Variants in HAUS6 observed in about 807,000 individuals in gnomAD.
HAUS6 encodes the protein HAUS augmin-like complex subunit 6.
HAUS6 carries 80 observed loss-of-function variants against 106.8 expected under a neutral mutation model. That is an observed-to-expected ratio of 0.75 (90% CI 0.63 to 0.90). The LOEUF is 0.90. HAUS6 is among the 40% of genes least tolerant of loss of function. The pLI is 0.00. For synonymous variants in HAUS6, 356 were observed against 379.1 expected (o/e 0.94, Z 0.71); for missense variants, 1,155 against 1,118.1 (o/e 1.03, Z -0.47).
intron 13 of HAUS6, 30 bp downstream of exon 13, chr9:19,063,484 G>T (rs745806273): frequency 8.9e-7 from 1 of 1,121,040 alleles, no homozygotes; most frequent in Non-Finnish European, 1.3e-6. Context: ...GTATGGTCCA[G>T]AATTAATTGA....
chr9:19,063,294 G>C (rs375807621), intron 13 of HAUS6, 101 bp from the exon 14 acceptor site: 1 of 786,384 alleles, frequency 1.3e-6, no homozygotes, highest in African/African-American at 1.7e-5. Flanking sequence ...CCTATAAAAG[G>C]TTGTTAATAC....
rs143282588 is a variant in HAUS6 at position 19,070,239 on chromosome 9, C to G, written c.1356G>C (p.Ala452=). The change falls in exon 12 of 17, where the codon GCG becomes GCC. Residue 452 remains alanine (A), a synonymous_variant. Transcript: ENST00000380502. ...TTTACCTGTTGGCTAGATCATGTAG[C>G]GCTCCCAAGGTATCACTGTCTCCTC... ...GCRGDSDTLG[A]LHDLANSPAS... 29 of 1,585,962 alleles carry G rather than the reference C, an allele frequency of 1.8e-5. No individual in the cohort carries two copies. In the African/African-American group the frequency reaches 3.9e-4, roughly 21 times the overall value.
At chr9:19,085,973 T>C (rs1837284093) in intron 7 of HAUS6, among the ~76,000 whole-genome samples, 1 of 150,530 alleles carries the variant, frequency 6.6e-6, no homozygotes, top group Non-Finnish European at 1.5e-5. Context: ...TATCTTTATA[T>C]ATACAACCTA....
intron 3 of HAUS6, 119 bp from the exon 4 acceptor site, chr9:19,093,422 T>A: frequency 1.1e-6 from 1 of 892,774 alleles, no homozygotes; most frequent in Non-Finnish European, 1.8e-6. Context: ...CACATTTTCA[T>A]AAGTACTATG....
At chr9:19,090,363 T>A (rs182233439) in intron 4 of HAUS6, among the ~76,000 whole-genome samples, 1 of 152,190 alleles carries the variant, frequency 6.6e-6, no homozygotes, top group African/African-American at 2.4e-5. Context: ...CCAAACAGAA[T>A]CTTTTCTTTT....
chr9:19,076,272 G>A (rs1357347666), intron 11 of HAUS6, among the ~76,000 whole-genome samples: 1 of 151,652 alleles, frequency 6.6e-6, no homozygotes, highest in African/African-American at 2.4e-5. Flanking sequence ...AGGATCACTT[G>A]AGCCTGGGGT....
chr9:19,056,425 A>T (rs776460106), intron 16 of HAUS6, 21 bp from the exon 17 acceptor site: 1 of 1,343,676 alleles, frequency 7.4e-7, no homozygotes, highest in Non-Finnish European at 1.1e-6. Flanking sequence ...ATTTTAAAAA[A>T]GTATAAGCAA....
intron 1 of HAUS6, among the ~76,000 whole-genome samples, chr9:19,100,712 T>C (rs1266283355): frequency 1.3e-5 from 2 of 152,156 alleles, no homozygotes; most frequent in Non-Finnish European, 2.9e-5. Context: ...GATGAATGGA[T>C]AAAGAAATTG....
chr9:19,061,525 T>G (rs1836619088), intron 14 of HAUS6, among the ~76,000 whole-genome samples: 1 of 152,060 alleles, frequency 6.6e-6, no homozygotes, highest in South Asian at 2.1e-4. Context: ...AGACCTCATG[T>G]TACAAACAAG....
intron 12 of HAUS6, among the ~76,000 whole-genome samples, chr9:19,069,392 T>A (rs886816847): frequency 6.6e-6 from 1 of 152,094 alleles, no homozygotes; most frequent in African/African-American, 2.4e-5. Context: ...ATTGTCCAGT[T>A]AAAAGGGCAA....
In HAUS6 at chr9:19,098,895, G is replaced by A. The variant is rs576871337; in HGVS notation, c.129-2126C>T. Among the ~76,000 whole-genome samples the A allele has an allele frequency of 4.0e-5, 6 of 151,650 alleles. No individual in the cohort carries two copies. In the East Asian group the frequency reaches 1.2e-3, roughly 30 times the overall value. Reference sequence around the variant, plus strand: ...AAATTAGCAGGGCATGGTGGCGCATGCCTAAAATCCCAGCTACTCCAGAGG... The same window carrying A: ...AAATTAGCAGGGCATGGTGGCGCATACCTAAAATCCCAGCTACTCCAGAGG... On this transcript the variant is annotated intron_variant, in intron 1 of 16. Coordinates refer to ENST00000380502, the MANE Select transcript of HAUS6 (RefSeq NM_017645.5).
chr9:19,084,199 A>G (rs963900122), intron 7 of HAUS6, among the ~76,000 whole-genome samples: 44 of 152,246 alleles, frequency 2.9e-4, no homozygotes, highest in African/African-American at 1.1e-3. Context: ...GAATAAACAT[A>G]CTACAATTAC....
chr9:19,076,435 G>A (rs910438297), intron 11 of HAUS6, among the ~76,000 whole-genome samples, 167 bp downstream of exon 11: 1 of 152,134 alleles, frequency 6.6e-6, no homozygotes, highest in Admixed American at 6.5e-5. Flanking sequence ...ATGCCACTGA[G>A]TTATATACTT....
At chr9:19,086,924 T>C in intron 6 of HAUS6, 142 bp from the exon 7 acceptor site, 1 of 618,060 alleles carries the variant, frequency 1.6e-6, no homozygotes, top group Non-Finnish European at 2.9e-6. Flanking sequence ...CGATAATAAT[T>C]TATTAGGAAA....
chr9:19,066,969 T>G (rs943461490), intron 12 of HAUS6, among the ~76,000 whole-genome samples: 1 of 151,266 alleles, frequency 6.6e-6, no homozygotes, highest in African/African-American at 2.4e-5. Flanking sequence ...ACTGCACCAC[T>G]GCACTCCTGC....
At position 19,054,394 on chromosome 9, in the gene HAUS6, T is replaced by C. The variant is rs1253707884; in HGVS notation, c.*1949A>G. On this transcript the variant is annotated 3_prime_UTR_variant, in exon 17 of 17. Coordinates refer to ENST00000380502, the MANE Select transcript of HAUS6 (RefSeq NM_017645.5). Reference sequence around the variant, plus strand: ...AGGTAACTATGTAGGAGATACTGGATAGGGAAAAGGCTGAAGGCAAAAAGC... The same window carrying C: ...AGGTAACTATGTAGGAGATACTGGACAGGGAAAAGGCTGAAGGCAAAAAGC... 6.6e-6 allele frequency: 1 copy of C among 152,130 alleles called. No homozygotes were observed. Among genetic ancestry groups the C allele is most frequent in the Non-Finnish European group, 1.5e-5 (1 of 68,026 alleles). 9.4% of individuals were successfully genotyped at this position (152,130 alleles called of 1,614,324 possible).
At position 19,053,802 on chromosome 9, in the gene HAUS6, A is replaced by G. The variant is rs796103283; in HGVS notation, c.*2541T>C. 6.7e-4 allele frequency: 102 copies of G among 152,266 alleles called. No homozygotes were observed. The highest frequency in any genetic ancestry group is 2.3e-3 in the African/African-American group (95 of 41,558). The allele number at this position is 152,266 out of a possible 1,614,324, so 9.4% of individuals were successfully genotyped here. On this transcript the variant is annotated 3_prime_UTR_variant, in exon 17 of 17. Coordinates refer to ENST00000380502, the MANE Select transcript of HAUS6 (RefSeq NM_017645.5). ...TATAGGAGGCAAACAAAACAATTCC[A>G]AAACTTAAATATTGATAAAGATGAC...
At position 19,070,221 on chromosome 9, in the gene HAUS6, G is replaced by C; in HGVS notation, c.1374C>G (p.Asn458Lys). The change falls in exon 12 of 17, where the codon AAC becomes AAG. Residue 458 changes from asparagine to lysine, a missense_variant and splice_region_variant. By Grantham distance (94) the Asn-to-Lys change is moderately conservative. Around this residue, in one of 3 missense-constraint regions of HAUS6, gnomAD observed 761 missense variants for 690.0 expected, o/e 1.10. Coordinates refer to ENST00000380502, the MANE Select transcript of HAUS6 (RefSeq NM_017645.5). ...AAAGAAAATCAAATTTGTTTTACCT[G>C]TTGGCTAGATCATGTAGCGCTCCCA... ...DTLGALHDLA[N>K]SPASFLSQSV... 6.5e-7 allele frequency: 1 copy of C among 1,537,540 alleles called. No homozygotes were observed. Among genetic ancestry groups the C allele is most frequent in the Non-Finnish European group, 9.0e-7 (1 of 1,113,658 alleles).
At chr9:19,061,433 A>G (rs368928184) in intron 14 of HAUS6, among the ~76,000 whole-genome samples, 55 of 152,352 alleles carry the variant, frequency 3.6e-4, no homozygotes, top group African/African-American at 1.3e-3. Flanking sequence ...AAAAATACTA[A>G]CCATCTTTAC....
Sources: allele counts gnomAD v4.1 joint callset (sites outside exome capture counted in the v4.1 genomes callset), GRCh38; gene constraint gnomAD v4.1.1; regional missense constraint gnomAD v4.1.1; transcripts MANE v1.5; gene names NCBI Gene and HGNC (gene_info 2026-07-23, HGNC 2026-07-21).